The following ARL13B variants were observed in gnomAD, a reference collection of about 807,000 sequenced individuals.
ARL13B encodes the protein ARF like GTPase 13B, also known as ADP-ribosylation factor-like protein 13B.
In ARL13B, 36 loss-of-function variants were observed where a neutral mutation model predicts 56.1. That is an observed-to-expected ratio of 0.64 (90% CI 0.49 to 0.85). The LOEUF is 0.85. ARL13B is among the 40% of genes least tolerant of loss of function. The pLI is 0.00. For synonymous variants in ARL13B, 178 were observed against 171.1 expected (o/e 1.04, Z -0.32); for missense variants, 519 against 507.1 (o/e 1.02, Z -0.23).
chr3:94,052,667 T>A (rs1303952948), intron 9 of ARL13B, among the ~76,000 whole-genome samples: 2 of 152,154 alleles, frequency 1.3e-5, no homozygotes, highest in Non-Finnish European at 2.9e-5. Context: ...GAAGGCTTCA[T>A]ATATGTGGTA....
intron 2 of ARL13B, among the ~76,000 whole-genome samples, chr3:94,000,455 T>A (rs2076035452): frequency 1.3e-5 from 2 of 152,120 alleles, no homozygotes. Context: ...CTATTGTTAT[T>A]TTTGGTGCGA....
chr3:94,054,232 C>T lies in ARL13B; in HGVS notation c.*969C>T. 1 of 452,574 alleles carries T rather than the reference C, an allele frequency of 2.2e-6. No individual in the cohort carries two copies. Among genetic ancestry groups the T allele is most frequent in the Non-Finnish European group, 4.4e-6 (1 of 225,914 alleles). 28.0% of individuals were successfully genotyped at this position (452,574 alleles called of 1,614,324 possible). ...AATTAAAGGCAGAAAAACTGGAAAA[C>T]CTACTGCAGGTCCAGAGACTTCTGT... On this transcript the variant is annotated 3_prime_UTR_variant, in exon 10 of 10. Coordinates refer to ENST00000394222, the MANE Select transcript of ARL13B (RefSeq NM_001174150.2).
At chr3:94,036,081 A>G (rs557245196) in intron 4 of ARL13B, among the ~76,000 whole-genome samples, 58 of 152,154 alleles carry the variant, frequency 3.8e-4, no homozygotes, top group Non-Finnish European at 6.6e-4. Context: ...TCTAAAAAAC[A>G]AAAAAAGAAA....
rs891451589 is a variant in ARL13B, at chr3:94,055,358, A to G, written c.*2095A>G. On this transcript the variant is annotated 3_prime_UTR_variant, in exon 10 of 10. Transcript: ENST00000394222. The stretch of plus-strand genomic sequence containing the variant: ...AAATAGGTAAAGATTTTAAAATATG[A>G]TTATTGAAAAACAGTTTAAATCAGT... The G allele has an allele frequency of 6.8e-6, 3 of 439,540 alleles. No individual in the cohort carries two copies. Among genetic ancestry groups the G allele is most frequent in the Non-Finnish European group, 1.4e-5 (3 of 218,856 alleles). The allele number at this position is 439,540 out of a possible 1,614,324, so 27.2% of individuals were successfully genotyped here.
At chr3:94,029,310 A>G (rs2076620173) in intron 3 of ARL13B, among the ~76,000 whole-genome samples, 2 of 86,388 alleles carry the variant, frequency 2.3e-5, no homozygotes, top group African/African-American at 1.4e-4. Context: ...TCATATATAT[A>G]TATATATATA....
chr3:94,010,033 A>G (rs181089143), intron 3 of ARL13B, among the ~76,000 whole-genome samples: 35 of 152,214 alleles, frequency 2.3e-4, no homozygotes, highest in Non-Finnish European at 2.4e-4. Context: ...TAGACCTTCA[A>G]AATTTTTGAG....
intron 3 of ARL13B, among the ~76,000 whole-genome samples, chr3:94,009,294 A>T (rs1422625456): frequency 6.6e-6 from 1 of 152,100 alleles, no homozygotes; most frequent in Non-Finnish European, 1.5e-5. Flanking sequence ...AACAATAGCC[A>T]GACATTAATT....
At chr3:94,049,178 T>G (rs2077028404) in intron 7 of ARL13B, among the ~76,000 whole-genome samples, 1 of 152,230 alleles carries the variant, frequency 6.6e-6, no homozygotes, top group Non-Finnish European at 1.5e-5. Flanking sequence ...GAATTTTGGC[T>G]CTTTTTATCA....
intron 1 of ARL13B, among the ~76,000 whole-genome samples, chr3:93,982,835 A>G (rs1710284393): frequency 6.6e-6 from 1 of 152,186 alleles, no homozygotes; most frequent in African/African-American, 2.4e-5. Flanking sequence ...TCTTAGTAAT[A>G]ATCATCCTGA....
chr3:93,984,693 A>G (rs1462002304), intron 1 of ARL13B, among the ~76,000 whole-genome samples: 1 of 152,154 alleles, frequency 6.6e-6, no homozygotes, highest in Non-Finnish European at 1.5e-5. Context: ...TATATTTTCA[A>G]CTTTTTGTGC....
At position 94,041,122 on chromosome 3, in the gene ARL13B, A is replaced by T. The variant is rs771373263; in HGVS notation, c.798+1134A>T. Reference sequence around the variant, plus strand: ...ATACAGATTTTCTCTTTTTTTCCCCACAAAACTTTTTTAGCATGTTTCTTG... The same window carrying T: ...ATACAGATTTTCTCTTTTTTTCCCCTCAAAACTTTTTTAGCATGTTTCTTG... On this transcript the variant is annotated intron_variant, in intron 6 of 9. Transcript: ENST00000394222. Among the ~76,000 whole-genome samples the T allele has an allele frequency of 1.1e-4, 17 of 151,840 alleles. 1 individual carries two copies. Among genetic ancestry groups the T allele is most frequent in the Non-Finnish European group, 2.1e-4 (14 of 67,932 alleles).
chr3:94,013,832 A>G (rs1348770544), intron 3 of ARL13B, among the ~76,000 whole-genome samples: 1 of 152,198 alleles, frequency 6.6e-6, no homozygotes, highest in African/African-American at 2.4e-5. Context: ...CTGTAATCCC[A>G]GCTACTCAGG....
At chr3:94,016,459 G>A (rs1473790983) in intron 3 of ARL13B, among the ~76,000 whole-genome samples, 1 of 152,048 alleles carries the variant, frequency 6.6e-6, no homozygotes, top group African/African-American at 2.4e-5. Flanking sequence ...TTGAAGTACA[G>A]GGTAGGGATT....
In ARL13B at chr3:94,035,311, GTACTT is replaced by G. The variant is rs781011347; in HGVS notation, c.381-17_381-13del. On this transcript the variant is annotated splice_polypyrimidine_tract_variant and intron_variant, in intron 3 of 9. Transcript: ENST00000394222. The stretch of plus-strand genomic sequence containing the variant: ...CCAATTATATATATGCTGTATAAAA[GTACTT>G]TAATTATCTTTCAGGTTGGCAAATA... 1.4e-6 allele frequency: 2 copies of G among 1,470,124 alleles called. No individual in the cohort carries two copies. Among genetic ancestry groups the G allele is most frequent in the Non-Finnish European group, 1.9e-6 (2 of 1,053,822 alleles). The allele number at this position is 1,470,124 out of a possible 1,614,324, so 91.1% of individuals were successfully genotyped here. A position where few individuals can be genotyped will look rare whatever the true frequency, so the allele number is the denominator to read the frequency against.
At chr3:93,988,807 T>G (rs1710592839) in intron 1 of ARL13B, 1 of 408,536 alleles carries the variant, frequency 2.4e-6, no homozygotes, top group African/African-American at 2.1e-5. Context: ...TTTTTTAATC[T>G]GAAGATTTAG....
chr3:94,003,674 T>A lies in ARL13B; in HGVS notation c.146T>A (p.Val49Glu). ...TTTGTAACAGAATACCCTGAAGATG[T>A]AGCTCCTACTGTTGGATTTTCAAAA... The part of the protein sequence containing the change: ...KGIQGEYPED[V>E]APTVGFSKIN... Residue 49 changes from valine to glutamate, a missense_variant, in exon 3 of 10, where the codon GTA becomes GAA. By Grantham distance (121) the Val-to-Glu change is moderately radical. Transcript: ENST00000394222. The A allele has an allele frequency of 6.2e-7, 1 of 1,613,346 alleles. No individual in the cohort carries two copies. The highest frequency in any genetic ancestry group is 1.7e-4 in the Middle Eastern group (1 of 6,058).
At chr3:94,008,915 A>G (rs2076176639) in intron 3 of ARL13B, among the ~76,000 whole-genome samples, 1 of 152,128 alleles carries the variant, frequency 6.6e-6, no homozygotes, top group South Asian at 2.1e-4. Context: ...AAATTGAATG[A>G]TTACAGCAAA....
At chr3:94,045,411 C>G (rs2076964302) in intron 7 of ARL13B, among the ~76,000 whole-genome samples, 1 of 150,038 alleles carries the variant, frequency 6.7e-6, no homozygotes, top group Non-Finnish European at 1.5e-5. Context: ...CCACATCCCC[C>G]TCTCCGAGAA....
intron 9 of ARL13B, among the ~76,000 whole-genome samples, chr3:94,052,921 A>G (rs1168331711): frequency 6.6e-6 from 1 of 152,160 alleles, no homozygotes; most frequent in Admixed American, 6.6e-5. Context: ...CATTATAATA[A>G]GTAATATGTG....
Sources: allele counts gnomAD v4.1 joint callset (sites outside exome capture counted in the v4.1 genomes callset), GRCh38; gene constraint gnomAD v4.1.1; transcripts MANE v1.5; gene names NCBI Gene and HGNC (gene_info 2026-07-23, HGNC 2026-07-21).